The following FBLN7 variants were observed in gnomAD, a reference collection of about 807,000 sequenced individuals.
FBLN7 encodes the protein fibulin-7.
In FBLN7, 31 loss-of-function variants were observed where a neutral mutation model predicts 44.0. The ratio of observed to expected loss-of-function variants is 0.70; its 90% CI spans 0.53 to 0.95. FBLN7 has a LOEUF of 0.95. Among genes scored for constraint, FBLN7 ranks in the 40% least tolerant of loss-of-function variants. The probability of loss-of-function intolerance (pLI) is 0.00; values close to 1 mark genes in which losing one functional copy is unlikely to be tolerated. For synonymous variants in FBLN7, 262 were observed against 253.4 expected, an observed-to-expected ratio of 1.03 and a Z score of -0.32; for missense variants, 573 against 618.5, an observed-to-expected ratio of 0.93 and a Z score of 0.78.
the FBLN7 span, chr2:112,234,069 A>C: frequency 9.4e-7 from 1 of 1,061,426 alleles, no homozygotes; most frequent in African/African-American, 1.6e-5. Context: ...AGTATCAAAC[A>C]GAAAGAGCAG....
chr2:112,176,051 CCTT>C (rs1410812154), intron 4 of FBLN7: 2 of 443,480 alleles, frequency 4.5e-6, no homozygotes, highest in Admixed American at 4.0e-5. Flanking sequence ...GAGTTTTGAC[CCTT>C]CTTATAGTAG....
chr2:112,197,833 G>A, the FBLN7 span, among the ~76,000 whole-genome samples: 7 of 152,310 alleles, frequency 4.6e-5, no homozygotes, highest in Middle Eastern at 0.01. Context: ...GACATTCAGG[G>A]AGCTGATTTT....
the FBLN7 span, among the ~76,000 whole-genome samples, chr2:112,221,908 G>A: frequency 1.3e-5 from 2 of 152,108 alleles, no homozygotes; most frequent in Non-Finnish European, 2.9e-5. Context: ...TAGGGAACTG[G>A]TACAGTCATT....
chr2:112,138,484 C>T lies in FBLN7; in HGVS notation c.-172C>T. 1 of 728,150 alleles carries T rather than the reference C, an allele frequency of 1.4e-6. No individual in the cohort carries two copies. The highest frequency in any genetic ancestry group is 4.7e-5 in the East Asian group (1 of 21,450). The allele number at this position is 728,150 out of a possible 1,614,324, so 45.1% of individuals were successfully genotyped here. ...CTCGCAAGGCCCGGGCGGCGCCGATCCCCGCGGGACGCGCTGCGCTCGGGG... is the reference window on the plus strand; with the variant it reads ...CTCGCAAGGCCCGGGCGGCGCCGATTCCCGCGGGACGCGCTGCGCTCGGGG... On this transcript the variant is annotated 5_prime_UTR_variant, in exon 1 of 8. Coordinates refer to ENST00000331203, the MANE Select transcript of FBLN7 (RefSeq NM_153214.3).
chr2:112,225,667 A>T, the FBLN7 span, among the ~76,000 whole-genome samples: 1,067 of 152,228 alleles, frequency 7.0e-3, 11 homozygotes, highest in African/African-American at 0.024. Flanking sequence ...AAATACAAAA[A>T]TTAGCTGGGC....
At chr2:112,210,942 C>T in the FBLN7 span, among the ~76,000 whole-genome samples, 396 of 152,232 alleles carry the variant, frequency 2.6e-3, 1 homozygote, top group African/African-American at 8.3e-3. Context: ...CTGAGGGCTA[C>T]GGTGGGAAGA....
At chr2:112,163,010 C>A (rs1681956544) in intron 2 of FBLN7, among the ~76,000 whole-genome samples, 2 of 152,224 alleles carry the variant, frequency 1.3e-5, no homozygotes, top group Admixed American at 6.5e-5. Flanking sequence ...CACTCGCTTG[C>A]TACTCACAAG....
At chr2:112,142,500 C>T (rs1052635223) in intron 1 of FBLN7, among the ~76,000 whole-genome samples, 2 of 152,150 alleles carry the variant, frequency 1.3e-5, no homozygotes, top group Non-Finnish European at 2.9e-5. Context: ...TTGGTGGAGA[C>T]TCAGCAAGTT....
At chr2:112,159,525 G>C (rs1320360) in intron 1 of FBLN7, 151 bp from the exon 2 acceptor site, 381,647 of 815,166 alleles carry the variant, frequency 0.47, 92,399 homozygotes, top group Middle Eastern at 0.55. Flanking sequence ...TGTACTTGGG[G>C]CTGTCCAGCG....
chr2:112,152,093 A>G (rs1681186130), intron 1 of FBLN7: 1 of 152,224 alleles, frequency 6.6e-6, no homozygotes, highest in South Asian at 2.1e-4. Flanking sequence ...GTGAAGTGAG[A>G]GGATGAATGA....
chr2:112,161,784 A>AT (rs1309227866), intron 2 of FBLN7, among the ~76,000 whole-genome samples: 2 of 152,332 alleles, frequency 1.3e-5, no homozygotes, highest in South Asian at 4.1e-4. Flanking sequence ...AATGTACAAC[A>AT]TTTTTTAAAG....
chr2:112,228,934 CA>C, the FBLN7 span, among the ~76,000 whole-genome samples: 1 of 151,474 alleles, frequency 6.6e-6, no homozygotes, highest in African/African-American at 2.4e-5. Context: ...GACTAATGGC[CA>C]ATAAGCACAT....
the FBLN7 span, chr2:112,214,953 T>C: frequency 2.0e-5 from 3 of 152,208 alleles, no homozygotes; most frequent in African/African-American, 7.2e-5. Context: ...CTACTCTATT[T>C]GACTTCTGAG....
chr2:112,185,229 G>A lies in FBLN7; in HGVS notation c.837G>A (p.Pro279=), dbSNP rs760281749. 1.4e-5 allele frequency: 23 copies of A among 1,613,616 alleles called. No individual in the cohort carries two copies. The highest frequency in any genetic ancestry group is 1.1e-4 in the East Asian group (5 of 44,880). Residue 279 remains proline, a synonymous_variant, in exon 7 of 8, where the codon CCG becomes CCA. Coordinates refer to ENST00000331203, the MANE Select transcript of FBLN7 (RefSeq NM_153214.3). ...TGGATGAATGTGTGGGCCTGCAGCC[G>A]GTGTGCCCCCAGGGGACCACATGCA... ...EDVDECVGLQ[P]VCPQGTTCIN...
rs538200662 is a variant in FBLN7 at position 112,159,845 on chromosome 2, C to T, written c.235+10C>T. 120 of 1,519,638 alleles carry T rather than the reference C, an allele frequency of 7.9e-5. 2 individuals carry two copies. In the South Asian group the frequency reaches 1.4e-3, roughly 17 times the overall value. 94.1% of individuals were successfully genotyped at this position (1,519,638 alleles called of 1,614,324 possible). A position where few individuals can be genotyped will look rare whatever the true frequency, so the allele number is the denominator to read the frequency against. ...CCAGATGCCCTTCCAGGTGGGTCCC[C>T]ACGTCGGCACCGCTGGGGCGGCAGC... On this transcript the variant is annotated intron_variant, in intron 2 of 7. Coordinates refer to ENST00000331203, the MANE Select transcript of FBLN7 (RefSeq NM_153214.3).
chr2:112,181,914 G>A lies in FBLN7; in HGVS notation c.670+38G>A, dbSNP rs760850849. 30 of 1,524,338 alleles carry A rather than the reference G, an allele frequency of 2.0e-5. No homozygotes were observed. The Admixed American group carries it at 2.3e-4, about 12-fold the overall frequency. 94.4% of individuals were successfully genotyped at this position (1,524,338 alleles called of 1,614,324 possible). A position where few individuals can be genotyped will look rare whatever the true frequency, so the allele number is the denominator to read the frequency against. ...TCCGCCAGGACACTGGGGACAGCAC[G>A]GGGAGGACATGGGGCGGGGAAGGGG... On this transcript the variant is annotated intron_variant, in intron 5 of 7. Transcript: ENST00000331203.
At chr2:112,174,359 T>C (rs7557904) in intron 3 of FBLN7, among the ~76,000 whole-genome samples, 20,879 of 152,216 alleles carry the variant, frequency 0.14, 1,670 homozygotes, top group East Asian at 0.34. Context: ...AGCATTCGGG[T>C]GGTCTGTCTT....
In FBLN7 at chr2:112,165,122, G is replaced by C. The variant is rs145852613; in HGVS notation, c.357G>C (p.Val119=). The change falls in exon 3 of 8, where the codon GTG becomes GTC. Residue 119 remains valine, a synonymous_variant. Coordinates refer to ENST00000331203, the MANE Select transcript of FBLN7 (RefSeq NM_153214.3). ...TCCGGCTGGTCGGGCCCAGCAGCGT[G>C]GTGTGTCTTCCCAATGGCACCTGGA... ...PGFRLVGPSS[V]VCLPNGTWTG... 1.2e-5 allele frequency: 20 copies of C among 1,614,054 alleles called. No homozygotes were observed. The highest frequency in any genetic ancestry group is 1.4e-5 in the Non-Finnish European group (16 of 1,180,022).
At chr2:112,197,122 A>G in the FBLN7 span, among the ~76,000 whole-genome samples, 2 of 152,062 alleles carry the variant, frequency 1.3e-5, no homozygotes, top group Non-Finnish European at 1.5e-5. Flanking sequence ...AAACCAAGTC[A>G]ATGTCCTAAC....
Sources: allele counts gnomAD v4.1 joint callset (sites outside exome capture counted in the v4.1 genomes callset), GRCh38; gene constraint gnomAD v4.1.1; transcripts MANE v1.5; gene names NCBI Gene and HGNC (gene_info 2026-07-23, HGNC 2026-07-21).